Variants in ADGRV1 observed in about 807,000 individuals in gnomAD.
The protein encoded by ADGRV1 is adhesion G protein-coupled receptor V1, also known as G-protein coupled receptor 98.
In ADGRV1, 359 loss-of-function variants were observed where a neutral mutation model predicts 596.2. The ratio of observed to expected loss-of-function variants is 0.60; its 90% CI spans 0.55 to 0.66. The LOEUF is 0.66. Ranked by LOEUF, ADGRV1 falls within the 30% of genes least tolerant of loss-of-function variation. ADGRV1 has a pLI of 0.00. For missense variants in ADGRV1, 7,274 were observed against 7,575.6 expected, an observed-to-expected ratio of 0.96 and a Z score of 1.48; for synonymous variants, 2,681 against 2,679.2, an observed-to-expected ratio of 1.00 and a Z score of -0.02.
chr5:91,068,319 A>G (rs150917071), intron 85 of ADGRV1, among the ~76,000 whole-genome samples: 3 of 151,850 alleles, frequency 2.0e-5, no homozygotes, highest in African/African-American at 7.3e-5. Flanking sequence ...AAACAAAAAA[A>G]TTAGCTGGGC....
chr5:90,994,447 G>A (rs547470128), intron 85 of ADGRV1, among the ~76,000 whole-genome samples: 7 of 152,002 alleles, frequency 4.6e-5, no homozygotes, highest in Non-Finnish European at 1.0e-4. Flanking sequence ...TCTATTTGAT[G>A]TCATTCTCAT....
intron 83 of ADGRV1, among the ~76,000 whole-genome samples, chr5:90,866,307 A>G (rs2443087): frequency 0.78 from 110,713 of 142,276 alleles, 40,966 homozygotes; most frequent in East Asian, 1. Flanking sequence ...TTTATTGTGT[A>G]TGTGTATATG....
intron 58 of ADGRV1, among the ~76,000 whole-genome samples, chr5:90,760,902 A>T (rs1756444913): frequency 1.3e-5 from 2 of 152,352 alleles, no homozygotes; most frequent in South Asian, 4.1e-4. Context: ...CATAATTGTT[A>T]TTACATGATA....
chr5:90,982,689 G>A (rs1312384291), intron 84 of ADGRV1, among the ~76,000 whole-genome samples: 1 of 152,082 alleles, frequency 6.6e-6, no homozygotes, highest in African/African-American at 2.4e-5. Context: ...TACTTCAGTC[G>A]ACCAGCTTAG....
chr5:90,602,388 G>A (rs1342406664), intron 1 of ADGRV1, among the ~76,000 whole-genome samples: 1 of 152,156 alleles, frequency 6.6e-6, no homozygotes, highest in Non-Finnish European at 1.5e-5. Context: ...GGAGCACCCT[G>A]ACAAATACCA....
chr5:90,726,651 G>T (rs1266633329), intron 48 of ADGRV1, among the ~76,000 whole-genome samples: 1 of 117,468 alleles, frequency 8.5e-6, no homozygotes, highest in South Asian at 3.0e-4. Flanking sequence ...CTCTCTCTGG[G>T]TATGTGTGTG....
intron 87 of ADGRV1, among the ~76,000 whole-genome samples, chr5:91,141,363 A>G (rs900452481): frequency 3.3e-5 from 5 of 152,244 alleles, no homozygotes; most frequent in African/African-American, 1.2e-4. Flanking sequence ...TACTTAAACC[A>G]TGCAAATATT....
In ADGRV1 at chr5:90,778,529, A is replaced by G. The variant is rs1758497315; in HGVS notation, c.12769A>G (p.Ile4257Val). The stretch of plus-strand genomic sequence containing the variant: ...GAGTGAATCCAGCAGCACTGCCAAC[A>G]TCACGGTGGTGGCCAGCGACTCTCC... ...VLSESSSTAN[I>V]TVVASDSPYG... is the part of the protein sequence containing the mutation. The change falls in exon 63 of 90, where the codon ATC becomes GTC. Residue 4257 changes from isoleucine to valine, a missense_variant. Transcript: ENST00000405460. 6.2e-7 allele frequency: 1 copy of G among 1,612,124 alleles called. No homozygotes were observed. Among genetic ancestry groups the G allele is most frequent in the African/African-American group, 1.3e-5 (1 of 74,642 alleles).
chr5:90,714,867 T>C (rs75229142), intron 42 of ADGRV1, among the ~76,000 whole-genome samples: 3,416 of 152,296 alleles, frequency 0.022, 125 homozygotes, highest in African/African-American at 0.08. Flanking sequence ...AAGTACATTT[T>C]GCTAGTTTTT....
intron 34 of ADGRV1, among the ~76,000 whole-genome samples, chr5:90,702,656 CT>C (rs1168574522): frequency 6.6e-6 from 1 of 151,824 alleles, no homozygotes; most frequent in Non-Finnish European, 1.5e-5. Context: ...TTTATTTCTA[CT>C]TTTTAAAAAA....
chr5:90,960,137 C>CAA lies in ADGRV1; in HGVS notation c.17857-5263_17857-5262dup, dbSNP rs35383493. 8.9e-3 allele frequency among the ~76,000 whole-genome samples: 925 copies of CAA among 103,840 alleles called. 9 individuals are homozygous for CAA. The highest frequency in any genetic ancestry group is 0.028 in the African/African-American group (774 of 27,852). The allele number at this position is 103,840 out of a possible 152,430, so 68.1% of individuals were successfully genotyped here. On this transcript the variant is annotated intron_variant, in intron 83 of 89. Transcript: ENST00000405460. Reference sequence around the variant, plus strand: ...CTGGGTGACAGACCGAGACTCATCTCAAAAAAAAAAAAAAAACAAAAAACA... The same window carrying CAA: ...CTGGGTGACAGACCGAGACTCATCTCAAAAAAAAAAAAAAAAAACAAAAAACA...
rs781455871 is a variant in ADGRV1, at chr5:90,784,063, T to C, written c.13653+6T>C. The C allele has an allele frequency of 9.5e-6, 15 of 1,580,904 alleles. No homozygotes were observed. The highest frequency in any genetic ancestry group is 1.7e-4 in the Middle Eastern group (1 of 5,876). ...GACTCTTGGGAGAGATTCAGGTAGA[T>C]TTATGTTCCCCATGACTTTAAATAT... On this transcript the variant is annotated splice_donor_region_variant and intron_variant, in intron 67 of 89. Transcript: ENST00000405460.
intron 50 of ADGRV1, among the ~76,000 whole-genome samples, chr5:90,740,494 G>A (rs978009544): frequency 2.6e-5 from 4 of 152,164 alleles, no homozygotes; most frequent in East Asian, 3.9e-4. Flanking sequence ...AGGAGAGCAC[G>A]CAGGCTGGCT....
At chr5:90,636,354 T>G (rs140323236) in intron 10 of ADGRV1, among the ~76,000 whole-genome samples, 40 of 152,308 alleles carry the variant, frequency 2.6e-4, no homozygotes, top group African/African-American at 9.6e-4. Context: ...TATGTTAAAA[T>G]ATGGTGACCT....
At chr5:90,672,522 T>C (rs199862251) in intron 21 of ADGRV1, 24 bp from the exon 22 acceptor site, 6 of 1,596,228 alleles carry the variant, frequency 3.8e-6, no homozygotes, top group South Asian at 1.1e-5. Context: ...TATGCACCTA[T>C]TAATAATTTA....
In ADGRV1 at chr5:90,694,169, C is replaced by T. The variant is rs746779681; in HGVS notation, c.7413C>T (p.Ser2471=). 5 of 1,613,716 alleles carry T rather than the reference C, an allele frequency of 3.1e-6. No homozygotes were observed. In the Admixed American group the frequency reaches 8.3e-5, roughly 27 times the overall value. The change falls in exon 33 of 90, where the codon AGC becomes AGT. Residue 2471 remains serine, a synonymous_variant. Coordinates refer to ENST00000405460, the MANE Select transcript of ADGRV1 (RefSeq NM_032119.4). ...PQCFWMTSWI[S]PAVNNSDFWT... ...GTTTCTGGATGACATCATGGATCAGCCCAGCTGTCAACAATTCAGACTTCT... is the reference window on the plus strand; with the variant it reads ...GTTTCTGGATGACATCATGGATCAGTCCAGCTGTCAACAATTCAGACTTCT...
At chr5:90,670,559 C>T (rs895018950) in intron 21 of ADGRV1, among the ~76,000 whole-genome samples, 6 of 152,144 alleles carry the variant, frequency 3.9e-5, no homozygotes, top group African/African-American at 1.4e-4. Flanking sequence ...TCTCAACAAC[C>T]GTGAAATCAG....
At chr5:90,819,445 T>A (rs1159005350) in intron 75 of ADGRV1, among the ~76,000 whole-genome samples, 3,516 of 146,480 alleles carry the variant, frequency 0.024, 202 homozygotes, top group African/African-American at 0.092. Context: ...AGTTATTTCT[T>A]GCCTTCTGCT....
At chr5:90,589,182 T>C (rs1448519949) in intron 1 of ADGRV1, among the ~76,000 whole-genome samples, 1 of 152,140 alleles carries the variant, frequency 6.6e-6, no homozygotes, top group East Asian at 1.9e-4. Flanking sequence ...GCTGGACACA[T>C]TGATCAAAGG....
Sources: gnomAD v4.1 joint callset for allele counts (sites outside exome capture counted in the v4.1 genomes callset) on GRCh38, gnomAD v4.1.1 for gene constraint, MANE v1.5 for transcripts, NCBI Gene and HGNC (gene_info 2026-07-23, HGNC 2026-07-21) for gene names.